The following THAP5 variants were observed in gnomAD, a reference collection of about 807,000 sequenced individuals.
THAP5 encodes the protein THAP domain containing 5.
In THAP5, 26 loss-of-function variants were observed where a neutral mutation model predicts 34.0. The observed-to-expected ratio is 0.77, with a 90% CI of 0.56 to 1.06. The LOEUF is 1.06. Ranked by LOEUF, THAP5 falls within the 50% of genes least tolerant of loss-of-function variation. The pLI, the probability that THAP5 is intolerant of heterozygous loss-of-function variation, is 0.00. For synonymous variants in THAP5, 125 were observed against 153.0 expected, an observed-to-expected ratio of 0.82 and a Z score of 1.35; for missense variants, 394 against 452.8, an observed-to-expected ratio of 0.87 and a Z score of 1.18.
downstream of THAP5, among the ~76,000 whole-genome samples, chr7:108,557,824 T>C (rs1864397385): frequency 6.6e-6 from 1 of 152,182 alleles, no homozygotes; most frequent in Non-Finnish European, 1.5e-5. Context: ...CTGGTACCAA[T>C]TTTCTGTATT....
downstream of THAP5, among the ~76,000 whole-genome samples, chr7:108,558,705 T>G (rs1412252132): frequency 6.6e-6 from 1 of 152,026 alleles, no homozygotes; most frequent in African/African-American, 2.4e-5. Context: ...CTCTAATTTT[T>G]TAATCTTTTA....
chr7:108,542,916 AAATTT>A, the THAP5 span, among the ~76,000 whole-genome samples: 1,151 of 150,472 alleles, frequency 7.6e-3, 22 homozygotes, highest in Non-Finnish European at 7.3e-3. Flanking sequence ...TTTTTTTTTT[AAATTT>A]AATTTATTTT....
downstream of THAP5, among the ~76,000 whole-genome samples, chr7:108,557,684 A>G (rs1043159490): frequency 2.0e-5 from 3 of 152,220 alleles, no homozygotes; most frequent in African/African-American, 7.2e-5. Context: ...ACAAGTCTCT[A>G]GGAAGTTCTA....
At chr7:108,560,184 A>C (rs569289897), downstream of THAP5, among the ~76,000 whole-genome samples, 1 of 152,190 alleles carries the variant, frequency 6.6e-6, no homozygotes, top group Non-Finnish European at 1.5e-5. Context: ...CCACTTCTTT[A>C]GTTACAAGCT....
chr7:108,550,733 T>C (rs1864348106), downstream of THAP5, among the ~76,000 whole-genome samples: 1 of 152,234 alleles, frequency 6.6e-6, no homozygotes, highest in Non-Finnish European at 1.5e-5. Context: ...CATGTCTCTT[T>C]GTATGTCCGA....
At chr7:108,568,471 C>T (rs1268592789) in intron 1 of THAP5, 1 of 154,524 alleles carries the variant, frequency 6.5e-6, no homozygotes, top group Non-Finnish European at 1.5e-5. Flanking sequence ...TCCCAAAGTG[C>T]TGGGATTACA....
chr7:108,560,368 G>C (rs1327648384), downstream of THAP5, among the ~76,000 whole-genome samples: 1 of 152,200 alleles, frequency 6.6e-6, no homozygotes, highest in African/African-American at 2.4e-5. Flanking sequence ...TACTGAGGTA[G>C]ATGAGTCTGT....
chr7:108,564,842 G>A lies in THAP5; in HGVS notation c.537C>T (p.Thr179=). Residue 179 remains threonine, a synonymous_variant, in exon 3 of 3, where the codon ACC becomes ACT. Coordinates refer to ENST00000415914, the MANE Select transcript of THAP5 (RefSeq NM_001130475.3). ...VKQHTGKPES[T]LETSVNQDTG... ...TATCTTGGTTAACTGATGTTTCCAA[G>A]GTAGATTCTGGTTTCCCAGTATGTT... 14 of 1,612,492 alleles carry A rather than the reference G, an allele frequency of 8.7e-6. No individual in the cohort carries two copies. The highest frequency in any genetic ancestry group is 5.1e-6 in the Non-Finnish European group (6 of 1,179,078).
In THAP5 at chr7:108,565,850, A is replaced by G. The variant is rs1790474584; in HGVS notation, c.253T>C (p.Ser85Pro). 1 of 1,546,214 alleles carries G rather than the reference A, an allele frequency of 6.5e-7. No individual in the cohort carries two copies. The highest frequency in any genetic ancestry group is 8.7e-7 in the Non-Finnish European group (1 of 1,145,670). ...AATACCTGATTGTCTTCAGGCAAAG[A>G]AAATATTGTTGGAACTGCAGTTTGT... ...LKQTAVPTIF[S>P]LPEDNQGKDP... Residue 85 changes from serine (S) to proline (P), a missense_variant, in exon 2 of 3, where the codon TCT becomes CCT. Physicochemically the swap from Ser to Pro is moderately conservative, Grantham distance 74. Coordinates refer to ENST00000415914, the MANE Select transcript of THAP5 (RefSeq NM_001130475.3).
At chr7:108,560,687 G>C (rs945973909), downstream of THAP5, among the ~76,000 whole-genome samples, 1 of 152,186 alleles carries the variant, frequency 6.6e-6, no homozygotes, top group East Asian at 1.9e-4. Flanking sequence ...TGACATGAGG[G>C]AGCCTCTTTT....
the THAP5 span, among the ~76,000 whole-genome samples, chr7:108,543,445 G>A: frequency 6.6e-6 from 1 of 152,158 alleles, no homozygotes; most frequent in East Asian, 1.9e-4. Flanking sequence ...GGAAGAATAG[G>A]TTCTGCCCTC....
chr7:108,546,681 C>T, the THAP5 span, among the ~76,000 whole-genome samples: 385 of 152,240 alleles, frequency 2.5e-3, 1 homozygote, highest in African/African-American at 8.5e-3. Flanking sequence ...ATAGTGCTGT[C>T]GCCTCACTTA....
At chr7:108,566,495 TAATA>T (rs147045954) in intron 1 of THAP5, among the ~76,000 whole-genome samples, 2,191 of 152,344 alleles carry the variant, frequency 0.014, 22 homozygotes, top group Middle Eastern at 0.031. Flanking sequence ...CAATCTTATT[TAATA>T]TTTAAAAAAT....
chr7:108,561,943 G>GT (rs554778681), downstream of THAP5, among the ~76,000 whole-genome samples: 7 of 152,198 alleles, frequency 4.6e-5, no homozygotes, highest in Non-Finnish European at 7.3e-5. Flanking sequence ...GAAAGTCAGA[G>GT]TAAGGATGGA....
At chr7:108,548,177 C>A in the THAP5 span, among the ~76,000 whole-genome samples, 251 of 152,232 alleles carry the variant, frequency 1.6e-3, 2 homozygotes, top group Non-Finnish European at 1.4e-3. Context: ...ATAATATACT[C>A]ATGGAGCTGC....
intron 1 of THAP5, among the ~76,000 whole-genome samples, chr7:108,567,461 CTAAGT>C (rs1790509877): frequency 6.6e-6 from 1 of 151,950 alleles, no homozygotes; most frequent in Non-Finnish European, 1.5e-5. Context: ...TACCTATATG[CTAAGT>C]TATCAACTCA....
intron 1 of THAP5, among the ~76,000 whole-genome samples, chr7:108,555,706 T>C (rs1184723992): frequency 2.7e-5 from 4 of 148,560 alleles, no homozygotes; most frequent in Non-Finnish European, 4.5e-5. Context: ...CTTTTTCTTT[T>C]TTTTTTTTTT....
At chr7:108,545,211 G>A in the THAP5 span, among the ~76,000 whole-genome samples, 6 of 152,214 alleles carry the variant, frequency 3.9e-5, no homozygotes, top group Non-Finnish European at 7.3e-5. Flanking sequence ...AAAAAGACCA[G>A]TAAATGAAGC....
intron 1 of THAP5, among the ~76,000 whole-genome samples, chr7:108,566,401 T>A (rs1023642337): frequency 2.0e-5 from 3 of 152,354 alleles, no homozygotes; most frequent in South Asian, 4.1e-4. Flanking sequence ...GTATAAATTA[T>A]AAATTCCTAT....
Sources: allele counts gnomAD v4.1 joint callset (sites outside exome capture counted in the v4.1 genomes callset), GRCh38; gene constraint gnomAD v4.1.1; transcripts MANE v1.5; gene names NCBI Gene and HGNC (gene_info 2026-07-23, HGNC 2026-07-21).